Variants in ARHGEF28 observed in about 807,000 individuals in gnomAD.
ARHGEF28 encodes the protein 190 kDa guanine nucleotide exchange factor.
ARHGEF28 carries 152 observed loss-of-function variants against 206.6 expected under a neutral mutation model. The observed-to-expected ratio is 0.74, with a 90% CI of 0.64 to 0.84. ARHGEF28 has a LOEUF of 0.84. Among genes scored for constraint, ARHGEF28 ranks in the 40% least tolerant of loss-of-function variants. ARHGEF28 has a pLI of 0.00. For synonymous variants in ARHGEF28, 763 were observed against 776.4 expected, an observed-to-expected ratio of 0.98 and a Z score of 0.29; for missense variants, 2,028 against 2,073.2, an observed-to-expected ratio of 0.98 and a Z score of 0.42.
At chr5:73,764,723 C>T (rs1752804536) in intron 4 of ARHGEF28, among the ~76,000 whole-genome samples, 1 of 152,156 alleles carries the variant, frequency 6.6e-6, no homozygotes, top group Non-Finnish European at 1.5e-5. Flanking sequence ...TGGTCTTGCG[C>T]TCTGTGGAAT....
chr5:73,730,870 T>G (rs1224558572), intron 2 of ARHGEF28, among the ~76,000 whole-genome samples: 1 of 152,170 alleles, frequency 6.6e-6, no homozygotes, highest in Non-Finnish European at 1.5e-5. Context: ...GGTTTTTTAC[T>G]TGCTCTGTGT....
intron 34 of ARHGEF28, among the ~76,000 whole-genome samples, chr5:73,911,048 C>G (rs998766574): frequency 2.0e-5 from 3 of 152,078 alleles, no homozygotes; most frequent in African/African-American, 7.2e-5. Context: ...CATAGAGTGC[C>G]ACTTTTTTTG....
chr5:73,712,465 G>A (rs926887454), intron 2 of ARHGEF28, among the ~76,000 whole-genome samples: 1 of 152,168 alleles, frequency 6.6e-6, no homozygotes, highest in Admixed American at 6.5e-5. Flanking sequence ...TTGGTAGAGT[G>A]CATGCTTTCT....
At chr5:73,643,292 T>A (rs184512092) in intron 1 of ARHGEF28, among the ~76,000 whole-genome samples, 3 of 152,344 alleles carry the variant, frequency 2.0e-5, no homozygotes, top group Admixed American at 6.5e-5. Context: ...AATATTTTAG[T>A]TTCATAAGTG....
chr5:73,872,407 T>C (rs1760163221), intron 21 of ARHGEF28, among the ~76,000 whole-genome samples: 1 of 152,184 alleles, frequency 6.6e-6, no homozygotes, highest in Admixed American at 6.6e-5. Context: ...AGATAAATTA[T>C]TTACAAATAT....
At chr5:73,654,480 G>A (rs949252609) in intron 1 of ARHGEF28, among the ~76,000 whole-genome samples, 1 of 152,192 alleles carries the variant, frequency 6.6e-6, no homozygotes, top group African/African-American at 2.4e-5. Flanking sequence ...ATCTTTAGTC[G>A]TGGGCCTCAT....
At chr5:73,798,410 A>C (rs527801540) in intron 9 of ARHGEF28, among the ~76,000 whole-genome samples, 3 of 152,250 alleles carry the variant, frequency 2.0e-5, no homozygotes, top group Admixed American at 6.5e-5. Flanking sequence ...TTAGTTTATA[A>C]GCTGAAAATG....
intron 29 of ARHGEF28, among the ~76,000 whole-genome samples, chr5:73,896,862 C>T (rs575088440): frequency 6.6e-6 from 1 of 152,170 alleles, no homozygotes; most frequent in East Asian, 1.9e-4. Flanking sequence ...ACAGAGGTGC[C>T]GGGGCAGCGG....
At chr5:73,911,941 CAG>C (rs1442995929) in intron 35 of ARHGEF28, among the ~76,000 whole-genome samples, 1 of 152,118 alleles carries the variant, frequency 6.6e-6, no homozygotes, top group Non-Finnish European at 1.5e-5. Flanking sequence ...TGTTGACACT[CAG>C]AAATAATAAC....
intron 9 of ARHGEF28, chr5:73,813,724 T>G: frequency 6.6e-7 from 1 of 1,506,882 alleles, no homozygotes; most frequent in South Asian, 1.2e-5. Flanking sequence ...AGACATCCTA[T>G]TCTTTCTTTT....
chr5:73,895,593 G>A (rs1447499947), intron 29 of ARHGEF28, among the ~76,000 whole-genome samples: 1 of 152,226 alleles, frequency 6.6e-6, no homozygotes. Context: ...GCCACCTCCT[G>A]AGAGAGTAGC....
intron 1 of ARHGEF28, among the ~76,000 whole-genome samples, chr5:73,634,132 A>C (rs918803453): frequency 1.3e-5 from 2 of 152,174 alleles, no homozygotes; most frequent in African/African-American, 4.8e-5. Context: ...CAAGGTATCC[A>C]TAGGTTTGAT....
At chr5:73,928,105 T>C (rs1763917590) in intron 35 of ARHGEF28, among the ~76,000 whole-genome samples, 1 of 152,244 alleles carries the variant, frequency 6.6e-6, no homozygotes, top group Non-Finnish European at 1.5e-5. Context: ...TTCTTTGACA[T>C]CTCATAATTT....
chr5:73,630,464 C>T (rs186585863), intron 1 of ARHGEF28, among the ~76,000 whole-genome samples: 30 of 152,198 alleles, frequency 2.0e-4, no homozygotes, highest in Admixed American at 1.5e-3. Context: ...GTGAGGACTC[C>T]GTGATTTAAT....
intron 9 of ARHGEF28, among the ~76,000 whole-genome samples, chr5:73,830,560 G>GAAAAAAAA (rs57559151): frequency 7.9e-6 from 1 of 127,188 alleles, no homozygotes; most frequent in Non-Finnish European, 1.7e-5. Context: ...CTCAAAAAAA[G>GAAAAAAAA]AAAAAAAAAA....
chr5:73,930,045 A>G (rs1764019700), intron 35 of ARHGEF28, among the ~76,000 whole-genome samples: 1 of 152,098 alleles, frequency 6.6e-6, no homozygotes, highest in Admixed American at 6.5e-5. Context: ...GATCTTACCA[A>G]TTTTTTCCTA....
intron 5 of ARHGEF28, among the ~76,000 whole-genome samples, chr5:73,775,385 A>G (rs1753483658): frequency 1.3e-5 from 2 of 152,208 alleles, no homozygotes; most frequent in Admixed American, 1.3e-4. Flanking sequence ...CTTATTGCTC[A>G]GGTTCAGAGA....
chr5:73,786,612 T>C (rs1204238723), intron 7 of ARHGEF28: 7 of 152,182 alleles, frequency 4.6e-5, no homozygotes, highest in African/African-American at 1.7e-4. Flanking sequence ...TTTGCTAAAA[T>C]CCTCAGCTCT....
intron 33 of ARHGEF28, chr5:73,908,636 C>T (rs1267824038): frequency 6.6e-6 from 1 of 152,194 alleles, no homozygotes; most frequent in Non-Finnish European, 1.5e-5. Context: ...GATACCGTAA[C>T]TCAAAATGTT....
Sources: gnomAD v4.1 joint callset for allele counts (sites outside exome capture counted in the v4.1 genomes callset) on GRCh38, gnomAD v4.1.1 for gene constraint, MANE v1.5 for transcripts, NCBI Gene and HGNC (gene_info 2026-07-23, HGNC 2026-07-21) for gene names.